The following KIF26B variants were observed in gnomAD, a reference collection of about 807,000 sequenced individuals.
KIF26B encodes kinesin-like protein KIF26B.
In KIF26B, 63 loss-of-function variants were observed where a neutral mutation model predicts 151.2. The ratio of observed to expected loss-of-function variants is 0.42; its 90% confidence interval spans 0.34 to 0.51. The LOEUF (loss-of-function observed/expected upper bound fraction) is 0.51. Among genes scored for constraint, KIF26B ranks in the 20% least tolerant of loss-of-function variants. KIF26B has a pLI of 0.07. For synonymous variants in KIF26B, 1,357 were observed against 1,262.1 expected (o/e 1.08, Z -1.59); for missense variants, 2,813 against 2,913.6 (o/e 0.97, Z 0.79).
chr1:245,602,500 G>C lies in KIF26B; in HGVS notation c.1351-77G>C, dbSNP rs1209822652. The stretch of plus-strand genomic sequence containing the variant: ...CAGTGCTGCCATGTGCATGTATATC[G>C]CAGAGTATACAAGGGTGCTCCATCG... On this transcript the variant is annotated intron_variant, in intron 5 of 14. Coordinates refer to ENST00000407071, the MANE Select transcript of KIF26B (RefSeq NM_018012.4). The surrounding 1 kb of genome is among the most constrained non-coding windows in gnomAD (Gnocchi z 4.5). 5 of 1,133,288 alleles carry C rather than the reference G, an allele frequency of 4.4e-6. No homozygotes were observed. The African/African-American group carries it at 7.7e-5, about 17-fold the overall frequency. 70.2% of individuals were successfully genotyped at this position (1,133,288 alleles called of 1,614,324 possible).
At position 245,704,276 on chromosome 1, in the gene KIF26B, C is replaced by T. The variant is rs1298422094; in HGVS notation, c.*1670C>T. The T allele has an allele frequency of 2.0e-5, 3 of 152,416 alleles. No individual in the cohort carries two copies. In the East Asian group the frequency reaches 5.8e-4, roughly 29 times the overall value. 9.4% of individuals were successfully genotyped at this position (152,416 alleles called of 1,614,324 possible). The stretch of plus-strand genomic sequence containing the variant: ...CTAGGCTGTCTTTATTAACCAACAA[C>T]TCAGCCCCAGCCACTCCCCAAGCGG... On this transcript the variant is annotated 3_prime_UTR_variant, in exon 15 of 15. Transcript: ENST00000407071.
At position 245,251,289 on chromosome 1, in the gene KIF26B, C is replaced by T. The variant is rs546287854; in HGVS notation, c.465+94606C>T. ...CAGTTCTAGGAATGGTAGGAACCCTCCTGAAATCTTAAGTTCTCAGATGCC... is the reference window on the plus strand; with the variant it reads ...CAGTTCTAGGAATGGTAGGAACCCTTCTGAAATCTTAAGTTCTCAGATGCC... On this transcript the variant is annotated intron_variant, in intron 2 of 14. Transcript: ENST00000407071. Among the ~76,000 whole-genome samples, 5 of 152,292 alleles carry T rather than the reference C, an allele frequency of 3.3e-5. No individual in the cohort carries two copies. The South Asian group carries it at 8.3e-4, about 25-fold the overall frequency.
intron 2 of KIF26B, among the ~76,000 whole-genome samples, chr1:245,193,567 C>T (rs748006397): frequency 6.6e-6 from 1 of 151,992 alleles, no homozygotes; most frequent in South Asian, 2.1e-4. Flanking sequence ...TAATAATAGT[C>T]ATCATGCGTT....
chr1:245,359,407 G>A (rs544979173), intron 2 of KIF26B, among the ~76,000 whole-genome samples: 2 of 152,242 alleles, frequency 1.3e-5, no homozygotes, highest in East Asian at 1.9e-4. Context: ...GATTCAAATC[G>A]AACATCTAGC....
At chr1:245,437,739 T>C (rs1251949731) in intron 4 of KIF26B, among the ~76,000 whole-genome samples, 1 of 152,192 alleles carries the variant, frequency 6.6e-6, no homozygotes, top group East Asian at 1.9e-4. Context: ...ACAAGACTAT[T>C]TCCTATACAC....
Position 245,516,943 on chromosome 1 carries a change from G to A in KIF26B, c.1167-23824G>A, listed in dbSNP as rs568798252. Among the ~76,000 whole-genome samples, 3 of 152,348 alleles carry A rather than the reference G, an allele frequency of 2.0e-5. No homozygotes were observed. The highest frequency in any genetic ancestry group is 6.5e-5 in the Admixed American group (1 of 15,308). On this transcript the variant is annotated intron_variant, in intron 4 of 14. Coordinates refer to ENST00000407071, the MANE Select transcript of KIF26B (RefSeq NM_018012.4). The surrounding 1 kb of genome is among the most constrained non-coding windows in gnomAD (Gnocchi z 4.2). ...CCCTGGCTGCTCCCCACAGCTCCACGGCTGCTGCTTTCACCCCCACCTGAC... is the reference window on the plus strand; with the variant it reads ...CCCTGGCTGCTCCCCACAGCTCCACAGCTGCTGCTTTCACCCCCACCTGAC...
rs184000131 is a variant in KIF26B, at chr1:245,291,785, C to T, written c.466-75049C>T. The stretch of plus-strand genomic sequence containing the variant: ...AGAGGTGGGTAGGAAGGGGTGTTCT[C>T]GCCATGGAGGAGGTGGCGGTGACAG... On this transcript the variant is annotated intron_variant, in intron 2 of 14. Transcript: ENST00000407071. Among the ~76,000 whole-genome samples the T allele has an allele frequency of 1.1e-4, 17 of 152,276 alleles. No individual in the cohort carries two copies. In the East Asian group the frequency reaches 2.7e-3, roughly 24 times the overall value.
chr1:245,660,961 G>A (rs1448681939), intron 10 of KIF26B, among the ~76,000 whole-genome samples: 1 of 151,006 alleles, frequency 6.6e-6, no homozygotes, highest in Non-Finnish European at 1.5e-5. Context: ...CTACAGGCGT[G>A]TGCCACCATC....
intron 2 of KIF26B, among the ~76,000 whole-genome samples, chr1:245,286,556 A>G (rs1671166751): frequency 6.6e-6 from 1 of 152,058 alleles, no homozygotes; most frequent in African/African-American, 2.4e-5. Flanking sequence ...TAAAAACAAT[A>G]AAACGTGTCA....
intron 12 of KIF26B, among the ~76,000 whole-genome samples, chr1:245,697,515 C>G (rs1305173272): frequency 6.6e-6 from 1 of 152,126 alleles, no homozygotes; most frequent in Admixed American, 6.5e-5. Context: ...TTTGACCTAT[C>G]CATGCTGAGG....
intron 9 of KIF26B, among the ~76,000 whole-genome samples, chr1:245,616,421 C>T (rs914453483): frequency 2.0e-5 from 3 of 152,158 alleles, no homozygotes; most frequent in East Asian, 1.9e-4. Flanking sequence ...CTCATAACGA[C>T]GCGTGTACTG....
intron 4 of KIF26B, among the ~76,000 whole-genome samples, chr1:245,493,154 G>T (rs757404260): frequency 2.1e-4 from 32 of 152,080 alleles, no homozygotes; most frequent in Admixed American, 2.1e-3. Context: ...CCTACAATTC[G>T]TTTTGTAAAC....
chr1:245,399,515 C>T lies in KIF26B; in HGVS notation c.1000-20064C>T, dbSNP rs143852719. ...CCGACTTATTGCCAAGGAGATCGTC[C>T]CTTCATCCTTGAGGAGGAAGAAAGG... On this transcript the variant is annotated intron_variant, in intron 3 of 14. Transcript: ENST00000407071. 3.3e-5 allele frequency among the ~76,000 whole-genome samples: 5 copies of T among 152,284 alleles called. No individual in the cohort carries two copies. The East Asian group carries it at 9.6e-4, about 29-fold the overall frequency.
At chr1:245,693,244 C>T (rs2044649528) in intron 12 of KIF26B, among the ~76,000 whole-genome samples, 3 of 152,152 alleles carry the variant, frequency 2.0e-5, no homozygotes, top group East Asian at 1.9e-4. Context: ...ACCAGAAAAG[C>T]CCTGGAGTGA....
chr1:245,156,505 C>T lies in KIF26B; in HGVS notation c.287C>T (p.Ser96Leu). The change falls in exon 2 of 15, where the codon TCG becomes TTG. Residue 96 changes from serine (S) to leucine (L), a missense_variant. Physicochemically the swap from Ser to Leu is moderately radical, Grantham distance 145 (BLOSUM62 -2). Transcript: ENST00000407071. ...GCCTCCCCCGGCATCGGCACTAGTT[C>T]GCCGGGCTCCTTGGGCGGCTCTCCG... The part of the protein sequence containing the change: ...GPASPGIGTS[S>L]PGSLGGSPGF... The T allele has an allele frequency of 6.5e-7, 1 of 1,528,864 alleles. No individual in the cohort carries two copies. The highest frequency in any genetic ancestry group is 1.9e-5 in the Admixed American group (1 of 51,450). The allele number at this position is 1,528,864 out of a possible 1,614,324, so 94.7% of individuals were successfully genotyped here.
chr1:245,406,919 C>G (rs1674147928), intron 3 of KIF26B, among the ~76,000 whole-genome samples: 1 of 152,030 alleles, frequency 6.6e-6, no homozygotes, highest in Admixed American at 6.6e-5. Context: ...TCCTGAGTAG[C>G]TGGGACTACA....
At chr1:245,300,021 T>A (rs1573760938) in intron 2 of KIF26B, among the ~76,000 whole-genome samples, 1 of 152,196 alleles carries the variant, frequency 6.6e-6, no homozygotes, top group Non-Finnish European at 1.5e-5. Flanking sequence ...TAGCAGACAT[T>A]GCAAAATGTC....
chr1:245,527,535 T>TTTTTTA (rs1661265432), intron 4 of KIF26B, among the ~76,000 whole-genome samples: 1 of 112,018 alleles, frequency 8.9e-6, no homozygotes, highest in Non-Finnish European at 1.8e-5. Flanking sequence ...TTTTTTTTTT[T>TTTTTTA]TTTTTTTTTT....
rs932326735 is a variant in KIF26B at position 245,553,881 on chromosome 1, G to A, written c.1350+12931G>A. 2.6e-5 allele frequency among the ~76,000 whole-genome samples: 4 copies of A among 152,156 alleles called. 1 individual carries two copies. The highest frequency in any genetic ancestry group is 4.4e-5 in the Non-Finnish European group (3 of 68,016). On this transcript the variant is annotated intron_variant, in intron 5 of 14. Coordinates refer to ENST00000407071, the MANE Select transcript of KIF26B (RefSeq NM_018012.4). Reference sequence around the variant, plus strand: ...CAGAAATGTTTAAACTTCAGCTTTTGTTTAAAGAGATGTGCTGTGAGTATT... The same window carrying A: ...CAGAAATGTTTAAACTTCAGCTTTTATTTAAAGAGATGTGCTGTGAGTATT...
Sources: gnomAD v4.1 joint callset for allele counts (sites outside exome capture counted in the v4.1 genomes callset) on GRCh38, gnomAD v4.1.1 for gene constraint, Gnocchi (gnomAD v3.1) non-coding constraint, MANE v1.5 for transcripts, NCBI Gene and HGNC (gene_info 2026-07-23, HGNC 2026-07-21) for gene names.